Variants in PIK3CB observed in about 807,000 individuals in gnomAD.
PIK3CB encodes the protein phosphatidylinositol 4,5-bisphosphate 3-kinase catalytic subunit beta isoform.
Under a neutral mutation model 136.8 loss-of-function variants are expected in PIK3CB, and 39 were observed. The ratio of observed to expected loss-of-function variants is 0.29; its 90% CI spans 0.22 to 0.37. The LOEUF is 0.37. Ranked by LOEUF, PIK3CB falls within the 10% of genes least tolerant of loss-of-function variation. The probability of loss-of-function intolerance (pLI) is 1.00; values close to 1 mark genes in which losing one functional copy is unlikely to be tolerated. For synonymous variants in PIK3CB, 428 were observed against 436.6 expected (o/e 0.98, Z 0.25); for missense variants, 868 against 1,275.4 (o/e 0.68, Z 4.87).
intron 12 of PIK3CB, among the ~76,000 whole-genome samples, chr3:138,700,249 C>T (rs989685318): frequency 6.6e-6 from 1 of 151,810 alleles, no homozygotes; most frequent in Admixed American, 6.6e-5. Flanking sequence ...TTTATCCGTC[C>T]GTCCATCCAT....
chr3:138,792,176 C>A (rs903024452), intron 2 of PIK3CB, among the ~76,000 whole-genome samples: 1 of 151,758 alleles, frequency 6.6e-6, no homozygotes, highest in African/African-American at 2.4e-5. Context: ...GCCTGGGCAA[C>A]AAAGTGACAC....
intron 2 of PIK3CB, among the ~76,000 whole-genome samples, chr3:138,789,762 C>T (rs1335088856): frequency 6.7e-6 from 1 of 148,978 alleles, no homozygotes; most frequent in Non-Finnish European, 1.5e-5. Context: ...GGTGTGATCT[C>T]GGCACAAGCT....
At chr3:138,730,996 G>T (rs1312541054) in intron 8 of PIK3CB, among the ~76,000 whole-genome samples, 1 of 151,922 alleles carries the variant, frequency 6.6e-6, no homozygotes, top group African/African-American at 2.4e-5. Flanking sequence ...CTAATCCAGA[G>T]GACTGTCCAG....
In PIK3CB at chr3:138,683,794, T is replaced by A. The variant is rs925448191; in HGVS notation, c.2316-7A>T. ...GTATTTGCACTTTTCAACACTGAAA[T>A]CAAGTGGGGAAAATTAGTCAACTTC... On this transcript the variant is annotated splice_polypyrimidine_tract_variant and splice_region_variant and intron_variant, in intron 17 of 23. Transcript: ENST00000674063. 3 of 1,425,934 alleles carry A rather than the reference T, an allele frequency of 2.1e-6. No homozygotes were observed. In the African/African-American group the frequency reaches 4.2e-5, roughly 20 times the overall value. The allele number at this position is 1,425,934 out of a possible 1,614,324, so 88.3% of individuals were successfully genotyped here. A position where few individuals can be genotyped will look rare whatever the true frequency, so the allele number is the denominator to read the frequency against.
intron 8 of PIK3CB, among the ~76,000 whole-genome samples, chr3:138,722,296 T>C (rs1166113618): frequency 6.6e-6 from 1 of 151,492 alleles, no homozygotes; most frequent in Non-Finnish European, 1.5e-5. Flanking sequence ...AAAATGAGAT[T>C]TGGTAAATCA....
intron 8 of PIK3CB, among the ~76,000 whole-genome samples, chr3:138,722,648 G>A (rs1277133227): frequency 6.6e-6 from 1 of 150,518 alleles, no homozygotes; most frequent in East Asian, 1.9e-4. Context: ...CAAAACTCAG[G>A]TATAGGAAAT....
chr3:138,707,068 T>G (rs2044393220), intron 11 of PIK3CB, 91 bp downstream of exon 11: 2 of 854,022 alleles, frequency 2.3e-6, no homozygotes, highest in Non-Finnish European at 3.9e-6. Flanking sequence ...ATGGGAAGTT[T>G]TGAAAGAGAC....
chr3:138,745,725 C>G (rs1442649075), intron 4 of PIK3CB, among the ~76,000 whole-genome samples: 1 of 152,082 alleles, frequency 6.6e-6, no homozygotes, highest in Non-Finnish European at 1.5e-5. Context: ...TCTTATTGTC[C>G]AGGTCTTCTT....
chr3:138,704,248 G>A (rs2044316879), intron 12 of PIK3CB, among the ~76,000 whole-genome samples, 195 bp downstream of exon 12: 1 of 152,152 alleles, frequency 6.6e-6, no homozygotes, highest in African/African-American at 2.4e-5. Context: ...AAAAGGGCTT[G>A]CCCACTGAAC....
At chr3:138,752,272 C>T (rs2045487012) in intron 4 of PIK3CB, among the ~76,000 whole-genome samples, 1 of 151,996 alleles carries the variant, frequency 6.6e-6, no homozygotes, top group Non-Finnish European at 1.5e-5. Context: ...TATTTTTAGC[C>T]TAGTCAGGGC....
chr3:138,678,791 G>C (rs1454268114), intron 19 of PIK3CB, among the ~76,000 whole-genome samples: 2 of 152,054 alleles, frequency 1.3e-5, no homozygotes, highest in Non-Finnish European at 2.9e-5. Flanking sequence ...ATAAAGGAGG[G>C]CACAGAAGCT....
In PIK3CB at chr3:138,761,122, C is replaced by T. The variant is rs558746183; in HGVS notation, c.-16-1763G>A. Among the ~76,000 whole-genome samples, 119 of 152,218 alleles carry T rather than the reference C, an allele frequency of 7.8e-4. 1 individual carries two copies. The highest frequency in any genetic ancestry group is 2.8e-3 in the African/African-American group (115 of 41,558). ...TCTGTCTTGTTGACACTACAGGAAT[C>T]CCCTGATCTTAGCATTACTAAAAGT... On this transcript the variant is annotated intron_variant, in intron 2 of 23. Transcript: ENST00000674063.
intron 1 of PIK3CB, chr3:138,826,363 A>G (rs1933780903): frequency 1.2e-5 from 19 of 1,570,110 alleles, no homozygotes; most frequent in Non-Finnish European, 1.6e-5. Flanking sequence ...CTGAGTCTTA[A>G]TCAGTGGTGG....
chr3:138,800,415 C>G (rs2046158942), intron 1 of PIK3CB, among the ~76,000 whole-genome samples: 1 of 151,340 alleles, frequency 6.6e-6, no homozygotes, highest in Non-Finnish European at 1.5e-5. Flanking sequence ...GCCTTGACCT[C>G]CTGGGCTAGG....
intron 2 of PIK3CB, among the ~76,000 whole-genome samples, chr3:138,788,347 A>G (rs1004174469): frequency 6.6e-5 from 10 of 152,116 alleles, no homozygotes; most frequent in Admixed American, 3.3e-4. Flanking sequence ...AAAACATTCC[A>G]TTATTCAAAA....
At chr3:138,728,872 AT>A (rs1253634563) in intron 8 of PIK3CB, among the ~76,000 whole-genome samples, 1 of 152,140 alleles carries the variant, frequency 6.6e-6, no homozygotes, top group Non-Finnish European at 1.5e-5. Flanking sequence ...AAGGATAAAA[AT>A]TTTCAGCAAA....
chr3:138,726,962 G>C (rs2044852718), intron 8 of PIK3CB, among the ~76,000 whole-genome samples: 1 of 151,924 alleles, frequency 6.6e-6, no homozygotes, highest in Non-Finnish European at 1.5e-5. Context: ...GAGGCAGGAG[G>C]GTATCTTGAA....
At chr3:138,711,456 G>A (rs994715088) in intron 10 of PIK3CB, among the ~76,000 whole-genome samples, 3 of 151,520 alleles carry the variant, frequency 2.0e-5, no homozygotes, top group African/African-American at 4.8e-5. Flanking sequence ...GCACATGCCT[G>A]TAATCCCAGC....
chr3:138,666,526 C>T (rs2043413665), intron 19 of PIK3CB, among the ~76,000 whole-genome samples: 1 of 152,038 alleles, frequency 6.6e-6, no homozygotes, highest in Admixed American at 6.6e-5. Flanking sequence ...CATTCTTTGC[C>T]TATTTATTAG....
Sources: gnomAD v4.1 joint callset for allele counts (sites outside exome capture counted in the v4.1 genomes callset) on GRCh38, gnomAD v4.1.1 for gene constraint, MANE v1.5 for transcripts, NCBI Gene and HGNC (gene_info 2026-07-23, HGNC 2026-07-21) for gene names.